The following ROBO2 variants were observed in gnomAD, a reference collection of about 807,000 sequenced individuals.
ROBO2 encodes the protein roundabout homolog 2.
A neutral mutation model predicts 160.8 loss-of-function variants in ROBO2; 53 were observed. The observed-to-expected ratio is 0.33, with a 90% confidence interval of 0.26 to 0.41. The LOEUF (loss-of-function observed/expected upper bound fraction) is 0.41. Ranked by LOEUF, ROBO2 falls within the 10% of genes least tolerant of loss-of-function variation. ROBO2 has a pLI of 1.00. For synonymous variants in ROBO2, 664 were observed against 611.7 expected (o/e 1.09, Z -1.26); for missense variants, 1,577 against 1,722.4 (o/e 0.92, Z 1.49).
intron 2 of ROBO2, among the ~76,000 whole-genome samples, chr3:76,685,197 T>G (rs1251875048): frequency 7.4e-5 from 11 of 148,408 alleles, no homozygotes; most frequent in Admixed American, 3.4e-4. Context: ...GTTGTGTTTT[T>G]TTTTTTTTTT....
chr3:76,290,230 T>C (rs959436551), intron 2 of ROBO2, among the ~76,000 whole-genome samples: 13 of 152,160 alleles, frequency 8.5e-5, no homozygotes, highest in African/African-American at 3.1e-4. Flanking sequence ...GTTTTGTAAT[T>C]CTCATTGTAG....
chr3:77,580,052 G>C (rs767493008), exon 16 of ROBO2: 2 of 1,613,892 alleles, frequency 1.2e-6, no homozygotes, highest in Non-Finnish European at 1.7e-6. Flanking sequence ...TCAATACCGG[G>C]TAGAGGTTGC....
intron 2 of ROBO2, among the ~76,000 whole-genome samples, chr3:76,319,439 CT>C (rs34629249): frequency 6.6e-6 from 1 of 151,728 alleles, no homozygotes; most frequent in African/African-American, 2.4e-5. Context: ...ATTCTTAAGC[CT>C]TTTTTTTCTT....
At chr3:76,798,172 G>GAA (rs1560579792) in intron 2 of ROBO2, among the ~76,000 whole-genome samples, 25 of 80,958 alleles carry the variant, frequency 3.1e-4, no homozygotes, top group African/African-American at 1.0e-3. Flanking sequence ...GAAAGAAAGG[G>GAA]AGAGAAAGAA....
intron 23 of ROBO2, among the ~76,000 whole-genome samples, chr3:77,626,424 C>G (rs1009867220): frequency 2.6e-5 from 4 of 152,090 alleles, no homozygotes; most frequent in Non-Finnish European, 5.9e-5. Context: ...ATAATGCACA[C>G]CTATTTGATT....
intron 2 of ROBO2, among the ~76,000 whole-genome samples, chr3:76,987,537 T>C (rs1480764996): frequency 6.6e-6 from 1 of 152,126 alleles, no homozygotes. Context: ...TATGTAGCAA[T>C]GTATTTTACT....
At chr3:77,236,534 T>G (rs766190193) in intron 2 of ROBO2, among the ~76,000 whole-genome samples, 10 of 152,184 alleles carry the variant, frequency 6.6e-5, no homozygotes, top group Non-Finnish European at 1.2e-4. Flanking sequence ...TCCAACCAGA[T>G]GGTTGGGGGT....
chr3:76,271,827 A>G (rs1165544904), intron 2 of ROBO2, among the ~76,000 whole-genome samples: 2 of 151,924 alleles, frequency 1.3e-5, no homozygotes, highest in Non-Finnish European at 2.9e-5. Flanking sequence ...TTTGTATTTC[A>G]TGATAAAATC....
chr3:76,460,226 T>G (rs1489606177), intron 2 of ROBO2, among the ~76,000 whole-genome samples: 4 of 151,230 alleles, frequency 2.6e-5, no homozygotes, highest in Non-Finnish European at 4.4e-5. Context: ...TTACCAAAAC[T>G]TAGCAGAAAA....
intron 2 of ROBO2, among the ~76,000 whole-genome samples, chr3:76,663,891 G>A (rs1470724784): frequency 2.0e-5 from 3 of 151,016 alleles, no homozygotes; most frequent in Admixed American, 6.6e-5. Flanking sequence ...CAACAAGAGC[G>A]AAACTCCATC....
At chr3:77,254,439 T>A (rs1203220555) in intron 2 of ROBO2, among the ~76,000 whole-genome samples, 1 of 140,806 alleles carries the variant, frequency 7.1e-6, no homozygotes, top group Non-Finnish European at 1.5e-5. Flanking sequence ...TTAAAATACT[T>A]CTTTTTTTTT....
chr3:76,078,514 C>T (rs1403105003), intron 2 of ROBO2, among the ~76,000 whole-genome samples: 2 of 152,072 alleles, frequency 1.3e-5, no homozygotes, highest in African/African-American at 4.8e-5. Flanking sequence ...TACAGACACA[C>T]ACCACCTTGC....
At chr3:77,642,678 A>G (rs928317132) in intron 24 of ROBO2, 5 of 455,704 alleles carry the variant, frequency 1.1e-5, no homozygotes, top group Non-Finnish European at 2.2e-5. Context: ...TAGATCTTCC[A>G]CCACCACCAG....
chr3:77,278,403 G>A (rs545793878), intron 2 of ROBO2, among the ~76,000 whole-genome samples: 41 of 151,966 alleles, frequency 2.7e-4, no homozygotes, highest in Admixed American at 7.2e-4. Flanking sequence ...GTTATGTCCT[G>A]GACTGAGGTA....
intron 4 of ROBO2, among the ~76,000 whole-genome samples, chr3:77,482,409 C>T (rs115586320): frequency 0.018 from 2,688 of 152,156 alleles, 73 homozygotes; most frequent in African/African-American, 0.059. Flanking sequence ...TGTATTATGA[C>T]TTCCACTATA....
chr3:76,147,589 C>T (rs982309904), intron 2 of ROBO2, among the ~76,000 whole-genome samples: 1 of 152,014 alleles, frequency 6.6e-6, no homozygotes, highest in Non-Finnish European at 1.5e-5. Flanking sequence ...AAGTTTGCAG[C>T]CTACAATAGC....
At chr3:77,546,949 C>G (rs1162213320) in intron 7 of ROBO2, among the ~76,000 whole-genome samples, 2 of 152,052 alleles carry the variant, frequency 1.3e-5, no homozygotes, top group African/African-American at 4.8e-5. Context: ...AAGCATGCTT[C>G]CATTTAAGAG....
chr3:76,127,920 A>G (rs200155947), intron 2 of ROBO2, among the ~76,000 whole-genome samples: 1 of 121,210 alleles, frequency 8.3e-6, no homozygotes, highest in Non-Finnish European at 1.7e-5. Flanking sequence ...TTTTGAGACG[A>G]AGTCCCACTC....
intron 2 of ROBO2, among the ~76,000 whole-genome samples, chr3:75,939,988 G>C (rs79795939): frequency 5.3e-5 from 8 of 152,086 alleles, no homozygotes; most frequent in African/African-American, 1.9e-4. Flanking sequence ...TTAAGTATCA[G>C]TGAAGTGTGA....
Sources: gnomAD v4.1 joint callset for allele counts (sites outside exome capture counted in the v4.1 genomes callset) on GRCh38, gnomAD v4.1.1 for gene constraint, MANE v1.5 for transcripts, NCBI Gene and HGNC (gene_info 2026-07-23, HGNC 2026-07-21) for gene names.